Variants in EDA observed in about 807,000 individuals in gnomAD.
EDA encodes ectodysplasin A, also known as ectodysplasin-A.
Under a neutral mutation model 23.6 loss-of-function variants are expected in EDA, and 2 were observed. The ratio of observed to expected loss-of-function variants is 0.08; its 90% CI spans 0.03 to 0.27. The LOEUF is 0.27. Ranked by LOEUF, EDA falls within the 10% of genes least tolerant of loss-of-function variation. The pLI is 1.00. For missense variants in EDA, 229 were observed against 324.2 expected (o/e 0.71, Z 2.26); for synonymous variants, 131 against 132.0 (o/e 0.99, Z 0.05).
At chrX:69,989,638 A>AAT (rs1009396215) in intron 2 of EDA, among the ~76,000 whole-genome samples, 3 of 111,468 alleles carry the variant, frequency 2.7e-5, no homozygotes, top group African/African-American at 9.8e-5. Context: ...GAAACACAGA[A>AAT]ATATATATAT....
chrX:69,877,622 G>A (rs1420735149), intron 1 of EDA, among the ~76,000 whole-genome samples: 1 of 110,950 alleles, frequency 9.0e-6, no homozygotes, highest in African/African-American at 3.3e-5. Flanking sequence ...TTCTCAGTCT[G>A]TGAGTTGTCT....
intron 7 of EDA, among the ~76,000 whole-genome samples, chrX:70,034,756 G>A (rs1373556049): frequency 1.8e-5 from 2 of 111,431 alleles, no homozygotes; most frequent in African/African-American, 3.3e-5. Flanking sequence ...GCTAGCTCTC[G>A]ATCTCTCTGG....
chrX:69,843,788 C>T (rs186160320), intron 1 of EDA, among the ~76,000 whole-genome samples: 266 of 110,963 alleles, frequency 2.4e-3, no homozygotes, highest in African/African-American at 7.7e-3. Context: ...TTTGGGAGGC[C>T]GAGGCAGGTG....
intron 1 of EDA, among the ~76,000 whole-genome samples, chrX:69,836,618 C>T (rs1455872668): frequency 8.9e-6 from 1 of 112,052 alleles, no homozygotes; most frequent in Admixed American, 9.4e-5. Context: ...GGGAGTGTCC[C>T]GTTTTTCCAG....
At chrX:69,937,692 G>A (rs1186014000) in intron 1 of EDA, 7 of 1,125,378 alleles carry the variant, frequency 6.2e-6, no homozygotes, top group Non-Finnish European at 8.6e-6. Flanking sequence ...AGAGTTCTGG[G>A]CATACATGTC....
intron 2 of EDA, among the ~76,000 whole-genome samples, chrX:69,976,745 T>C (rs991351158): frequency 3.0e-5 from 3 of 100,538 alleles, no homozygotes; most frequent in Non-Finnish European, 6.0e-5. Flanking sequence ...AGAAATTCAA[T>C]GGAGGTAGCT....
At chrX:69,849,971 G>A (rs2017092297) in intron 1 of EDA, among the ~76,000 whole-genome samples, 2 of 111,461 alleles carry the variant, frequency 1.8e-5, no homozygotes, top group African/African-American at 6.5e-5. Flanking sequence ...TTTAAATAAT[G>A]TTTTTTTACT....
rs1169346396 is a variant in EDA at position 69,733,826 on chromosome X, TA to T, written c.396+117124del. The stretch of plus-strand genomic sequence containing the variant: ...TTGAAGAGGTCCTTCACATCCCTTG[TA>T]AGTTGGATTCCTAGGTATTTTATTC... On this transcript the variant is annotated intron_variant, in intron 1 of 7. Transcript: ENST00000374552. Among the ~76,000 whole-genome samples, 3 of 111,389 alleles carry T rather than the reference TA, an allele frequency of 2.7e-5. No individual in the cohort carries two copies. The Admixed American group carries it at 2.9e-4, about 11-fold the overall frequency.
chrX:69,958,454 A>G (rs2147421515), intron 2 of EDA, among the ~76,000 whole-genome samples: 1 of 108,999 alleles, frequency 9.2e-6, no homozygotes, highest in South Asian at 4.1e-4. Flanking sequence ...CAGTAGGGGC[A>G]ATAAGAAGTA....
intron 1 of EDA, among the ~76,000 whole-genome samples, chrX:69,825,717 T>C (rs1249849376): frequency 1.8e-5 from 2 of 112,514 alleles, no homozygotes; most frequent in Non-Finnish European, 3.8e-5. Context: ...GCTCTGATTT[T>C]AGTTATTTCT....
At chrX:69,784,698 T>C (rs1289946827) in intron 1 of EDA, among the ~76,000 whole-genome samples, 105 of 105,432 alleles carry the variant, frequency 1.0e-3, no homozygotes, top group South Asian at 5.7e-3. Flanking sequence ...ACTGTAGCCT[T>C]GTAGTATAGT....
chrX:69,802,962 C>G (rs2015728448), intron 1 of EDA, among the ~76,000 whole-genome samples: 1 of 111,667 alleles, frequency 9.0e-6, no homozygotes. Context: ...ATAGAAGGTT[C>G]TACATGATTT....
intron 1 of EDA, among the ~76,000 whole-genome samples, chrX:69,643,244 C>G (rs987764309): frequency 2.7e-5 from 3 of 109,789 alleles, no homozygotes; most frequent in African/African-American, 9.9e-5. Context: ...TTTTTAGATT[C>G]TTTTTACTTA....
chrX:69,671,373 G>T (rs1301950498), intron 1 of EDA, among the ~76,000 whole-genome samples: 1 of 111,393 alleles, frequency 9.0e-6, no homozygotes, highest in Admixed American at 9.5e-5. Context: ...CCAATAGGCA[G>T]CCACAGTGGT....
intron 1 of EDA, among the ~76,000 whole-genome samples, chrX:69,685,511 C>T (rs1210990176): frequency 8.9e-6 from 1 of 111,842 alleles, no homozygotes; most frequent in African/African-American, 3.2e-5. Flanking sequence ...CTTGAGTGAA[C>T]TATGACATTT....
intron 1 of EDA, among the ~76,000 whole-genome samples, chrX:69,679,430 C>T (rs1056236822): frequency 1.8e-5 from 2 of 111,204 alleles, no homozygotes; most frequent in Non-Finnish European, 3.8e-5. Context: ...TGGTAGAATT[C>T]GGCTGTGAAT....
At chrX:69,851,157 T>TTGTGTGTG (rs57593985) in intron 1 of EDA, among the ~76,000 whole-genome samples, 27,587 of 101,609 alleles carry the variant, frequency 0.27, 3,655 homozygotes, top group Middle Eastern at 0.46. Context: ...GATCAAGGGT[T>TTGTGTGTG]TGTGTGTGTG....
intron 2 of EDA, among the ~76,000 whole-genome samples, chrX:70,000,083 A>G (rs1265063451): frequency 5.3e-5 from 6 of 112,409 alleles, no homozygotes; most frequent in Non-Finnish European, 1.1e-4. Context: ...GGCATTCTCT[A>G]ATATGATAAA....
chrX:69,750,105 T>C (rs1173752383), intron 1 of EDA, among the ~76,000 whole-genome samples: 1 of 105,626 alleles, frequency 9.5e-6, no homozygotes, highest in Non-Finnish European at 1.9e-5. Context: ...GCCATGTTGG[T>C]GTGCTGCACC....
Sources: allele counts gnomAD v4.1 joint callset (sites outside exome capture counted in the v4.1 genomes callset), GRCh38; gene constraint gnomAD v4.1.1; transcripts MANE v1.5; gene names NCBI Gene and HGNC (gene_info 2026-07-23, HGNC 2026-07-21).